NCAPD2: variants seen among roughly 807,000 people sequenced by gnomAD.
NCAPD2 encodes non-SMC condensin I complex subunit D2.
In NCAPD2, 100 loss-of-function variants were observed where a neutral mutation model predicts 164.5. That is an observed-to-expected ratio of 0.61 (90% confidence interval 0.52 to 0.72). The LOEUF is 0.72. NCAPD2 is among the 30% of genes least tolerant of loss of function. The pLI, the probability that NCAPD2 is intolerant of heterozygous loss-of-function variation, is 0.00. For synonymous variants in NCAPD2, 585 were observed against 642.6 expected, an observed-to-expected ratio of 0.91 and a Z score of 1.36; for missense variants, 1,560 against 1,749.2, an observed-to-expected ratio of 0.89 and a Z score of 1.93.
At position 6,521,881 on chromosome 12, in the gene NCAPD2, C is replaced by G. The variant is rs574601341; in HGVS notation, c.1798C>G (p.Pro600Ala). 1.9e-6 allele frequency: 3 copies of G among 1,614,112 alleles called. No individual in the cohort carries two copies. In the South Asian group the frequency reaches 3.3e-5, roughly 18 times the overall value. The part of the protein sequence containing the change: ...VTGQTVCKNK[P>A]NMSDPEESRG... ...AGGACAGACTGTCTGTAAAAATAAA[C>G]CCAATATGTCGGATCCTGAGGAATC... The change falls in exon 15 of 32, where the codon CCC (proline) becomes GCC (alanine). Residue 600 changes from proline to alanine, a missense_variant. By Grantham distance (27) the Pro-to-Ala change is conservative. Coordinates refer to ENST00000315579, the MANE Select transcript of NCAPD2 (RefSeq NM_014865.4).
chr12:6,528,631 G>C lies in NCAPD2; in HGVS notation c.3300-48G>C. 6.3e-7 allele frequency: 1 copy of C among 1,577,196 alleles called. No homozygotes were observed. Among genetic ancestry groups the C allele is most frequent in the Middle Eastern group, 1.7e-4 (1 of 5,946 alleles). On this transcript the variant is annotated intron_variant, in intron 25 of 31. Transcript: ENST00000315579. The surrounding 1 kb of genome is among the most constrained non-coding windows in gnomAD (Gnocchi z 5.1). ...GAGGGCCTTTTCTACCAGTGTTAGG[G>C]TGTAGCCCGGAGGTCTCGGTCCCCA...
chr12:6,518,506 T>TTTTGTTTTTG (rs1565544095), intron 13 of NCAPD2, among the ~76,000 whole-genome samples: 2 of 86,368 alleles, frequency 2.3e-5, no homozygotes, highest in African/African-American at 5.8e-5. Flanking sequence ...GTCAACAAGT[T>TTTTGTTTTTG]TTTTTTTTTT....
chr12:6,511,082 T>C (rs1009407205), intron 5 of NCAPD2, 28 bp from the exon 6 acceptor site: 40 of 1,607,056 alleles, frequency 2.5e-5, no homozygotes, highest in Non-Finnish European at 3.4e-5. Flanking sequence ...CCTTATTTTT[T>C]CCTCAATGTA....
At chr12:6,510,363 T>G in intron 4 of NCAPD2, 1 of 782,918 alleles carries the variant, frequency 1.3e-6, no homozygotes, top group Non-Finnish European at 2.3e-6. Context: ...CAAGAACTTT[T>G]TCCTACTTTT....
chr12:6,517,334 G>C (rs781094250), intron 10 of NCAPD2, 31 bp from the exon 11 acceptor site: 1 of 1,607,970 alleles, frequency 6.2e-7, no homozygotes, highest in South Asian at 1.1e-5. Flanking sequence ...TGTGGGACTT[G>C]AGCAGATTCT....
chr12:6,516,372 G>T (rs942306565), intron 9 of NCAPD2, among the ~76,000 whole-genome samples: 3 of 151,008 alleles, frequency 2.0e-5, no homozygotes, highest in Non-Finnish European at 4.4e-5. Flanking sequence ...TGTGGTGGCG[G>T]GCACCTGTAA....
rs6489718 is a variant in NCAPD2 at position 6,495,252 on chromosome 12, C to T, written c.127+27C>T. On this transcript the variant is annotated intron_variant, in intron 2 of 31. Coordinates refer to ENST00000315579, the MANE Select transcript of NCAPD2 (RefSeq NM_014865.4). The stretch of plus-strand genomic sequence containing the variant: ...TAAGAGTCCATAGCTGTCACTGTAC[C>T]TAGCTCTTTCAAAGGACCATCTCAC... 465,051 of 1,611,426 alleles carry T rather than the reference C, an allele frequency of 0.29. 69,866 individuals carry two copies. Among genetic ancestry groups the T allele is most frequent in the African/African-American group, 0.47 (35,106 of 74,920 alleles).
chr12:6,530,779 G>T lies in NCAPD2; in HGVS notation c.3926G>T (p.Gly1309Val), dbSNP rs1423450108. 7.4e-6 allele frequency: 12 copies of T among 1,614,192 alleles called. No homozygotes were observed. Among genetic ancestry groups the T allele is most frequent in the Non-Finnish European group, 1.0e-5 (12 of 1,180,032 alleles). ...GIKELEIGQA[G>V]SQRAPSAKKP... ...AAGGAGCTTGAGATTGGCCAAGCAG[G>T]TAGCCAGAGAGCGCCATCAGCCAAG... The change falls in exon 30 of 32, where the codon GGT becomes GTT. Residue 1309 changes from glycine to valine, a missense_variant. Physicochemically the swap from Gly to Val is moderately radical, Grantham distance 109. Transcript: ENST00000315579.
At chr12:6,499,064 T>C (rs191526359) in intron 2 of NCAPD2, among the ~76,000 whole-genome samples, 1 of 152,004 alleles carries the variant, frequency 6.6e-6, no homozygotes, top group African/African-American at 2.4e-5. Context: ...GTGAGTAGGG[T>C]TGCATATACA....
intron 29 of NCAPD2, among the ~76,000 whole-genome samples, chr12:6,530,206 T>G (rs960127938): frequency 6.6e-6 from 1 of 152,258 alleles, no homozygotes; most frequent in African/African-American, 2.4e-5. Context: ...TAGTTTTTAT[T>G]TTTCAGAGCA....
In NCAPD2 at chr12:6,494,108, C is replaced by T. The variant is rs997228547; in HGVS notation, c.-70C>T. 2.6e-5 allele frequency: 4 copies of T among 152,306 alleles called. No homozygotes were observed. Among genetic ancestry groups the T allele is most frequent in the Non-Finnish European group, 5.9e-5 (4 of 68,082 alleles). 9.4% of individuals were successfully genotyped at this position (152,306 alleles called of 1,614,324 possible). A position where few individuals can be genotyped will look rare whatever the true frequency, so the allele number is the denominator to read the frequency against. On this transcript the variant is annotated 5_prime_UTR_variant, in exon 1 of 32. Coordinates refer to ENST00000315579, the MANE Select transcript of NCAPD2 (RefSeq NM_014865.4). ...TTGTGCACGCGTGTTTTTTCCTTTT[C>T]ATTTCAGCCTGACTGCCGGAATCAG...
intron 16 of NCAPD2, 124 bp from the exon 17 acceptor site, chr12:6,523,138 A>T: frequency 7.0e-7 from 1 of 1,431,462 alleles, no homozygotes; most frequent in Non-Finnish European, 9.7e-7. Context: ...AGTGGGGCTT[A>T]GGGTGGGGCT....
At chr12:6,520,897 C>T in intron 13 of NCAPD2, 89 bp from the exon 14 acceptor site, 4 of 1,571,984 alleles carry the variant, frequency 2.5e-6, no homozygotes, top group Non-Finnish European at 3.5e-6. Flanking sequence ...GCAGTAGGTC[C>T]AGGGACTTGA....
intron 2 of NCAPD2, 87 bp downstream of exon 2, chr12:6,495,312 C>T: frequency 6.7e-6 from 10 of 1,492,462 alleles, no homozygotes; most frequent in Non-Finnish European, 9.2e-6. Context: ...TGTTCCACTA[C>T]ACCAGGAAGC....
chr12:6,496,243 A>G (rs1592162903), intron 2 of NCAPD2, among the ~76,000 whole-genome samples: 1 of 151,786 alleles, frequency 6.6e-6, no homozygotes, highest in East Asian at 1.9e-4. Context: ...TATTTTTAGT[A>G]GAGACGGGAT....
intron 13 of NCAPD2, among the ~76,000 whole-genome samples, chr12:6,518,504 G>GTTTTTGTTTT (rs746627585): frequency 0.039 from 1,743 of 45,026 alleles, 411 homozygotes; most frequent in Middle Eastern, 0.062. Flanking sequence ...CCGTCAACAA[G>GTTTTTGTTTT]TTTTTTTTTT....
intron 2 of NCAPD2, among the ~76,000 whole-genome samples, chr12:6,504,993 G>A (rs1946085957): frequency 1.3e-5 from 2 of 152,168 alleles, no homozygotes; most frequent in South Asian, 4.1e-4. Context: ...ATGGTGTTAT[G>A]TAAGGTTTAT....
Position 6,521,996 on chromosome 12 carries a change from T to C in NCAPD2, c.1913T>C (p.Ile638Thr), listed in dbSNP as rs755462892. 30 of 1,614,152 alleles carry C rather than the reference T, an allele frequency of 1.9e-5. No individual in the cohort carries two copies. Among genetic ancestry groups the C allele is most frequent in the Middle Eastern group, 1.6e-4 (1 of 6,062 alleles). Residue 638 changes from isoleucine (I) to threonine (T), a missense_variant, in exon 15 of 32, where the codon ATT (isoleucine) becomes ACT (threonine). Coordinates refer to ENST00000315579, the MANE Select transcript of NCAPD2 (RefSeq NM_014865.4). ...YSFSRKITEAIGIISKMMYEN... is the reference protein window; with the variant it reads ...YSFSRKITEATGIISKMMYEN... The stretch of plus-strand genomic sequence containing the variant: ...TTCTCCCGGAAGATTACAGAGGCCA[T>C]TGGCATCATCAGCAAGATGATGTAT...
Position 6,514,348 on chromosome 12 carries a change from C to T in NCAPD2, c.671C>T (p.Thr224Ile). 1.9e-6 allele frequency: 3 copies of T among 1,614,244 alleles called. No homozygotes were observed. The highest frequency in any genetic ancestry group is 2.5e-6 in the Non-Finnish European group (3 of 1,180,048). ...AACCGCCCCACTCGGGAAGCCATAA[C>T]ACACCTGCTTGGTGTAGCCTTGACC... ...QKNRPTREAI[T>I]HLLGVALTRY... Residue 224 changes from threonine to isoleucine, a missense_variant, in exon 7 of 32, where the codon ACA (threonine) becomes ATA (isoleucine). Physicochemically the swap from Thr to Ile is moderately conservative, Grantham distance 89. Coordinates refer to ENST00000315579, the MANE Select transcript of NCAPD2 (RefSeq NM_014865.4).
Sources: allele counts gnomAD v4.1 joint callset (sites outside exome capture counted in the v4.1 genomes callset), GRCh38; gene constraint gnomAD v4.1.1; non-coding constraint Gnocchi (gnomAD v3.1); transcripts MANE v1.5; gene names NCBI Gene and HGNC (gene_info 2026-07-23, HGNC 2026-07-21).